Variants in TRIM2 observed in about 807,000 individuals in gnomAD.
The protein encoded by TRIM2 is tripartite motif containing 2.
In TRIM2, 20 loss-of-function variants were observed where a neutral mutation model predicts 75.2. The ratio of observed to expected loss-of-function variants is 0.27; its 90% confidence interval spans 0.19 to 0.39. The LOEUF is 0.39. Among genes scored for constraint, TRIM2 ranks in the 10% least tolerant of loss-of-function variants. The pLI is 1.00. For synonymous variants in TRIM2, 373 were observed against 388.3 expected (o/e 0.96, Z 0.46); for missense variants, 660 against 990.8 (o/e 0.67, Z 4.48).
chr4:153,244,434 T>TCCTC (rs1748482495), intron 1 of TRIM2, among the ~76,000 whole-genome samples: 1 of 117,508 alleles, frequency 8.5e-6, no homozygotes. Flanking sequence ...TTCTTCTTCT[T>TCCTC]CTTTTAATTA....
chr4:153,314,550 C>G (rs979683809), intron 6 of TRIM2, among the ~76,000 whole-genome samples: 3 of 151,448 alleles, frequency 2.0e-5, no homozygotes, highest in African/African-American at 7.3e-5. Flanking sequence ...GAGTTTGAGA[C>G]CAGCCTGGGC....
At chr4:153,304,328 C>A (rs1343690476) in intron 6 of TRIM2, among the ~76,000 whole-genome samples, 1 of 151,862 alleles carries the variant, frequency 6.6e-6, no homozygotes, top group African/African-American at 2.4e-5. Flanking sequence ...TGGCCAGGCT[C>A]GTCTTGAACT....
rs990933295 is a variant in TRIM2, at chr4:153,325,107, G to T, written c.2022+959G>T. On this transcript the variant is annotated intron_variant, in intron 10 of 11. Transcript: ENST00000338700. ...TTAATAATGACTTATCAGTGCTAAT[G>T]ACTGCGATAGCTAGATAAGGGGTAG... Among the ~76,000 whole-genome samples the T allele has an allele frequency of 5.3e-5, 8 of 152,342 alleles. No homozygotes were observed. In the South Asian group the frequency reaches 8.3e-4, roughly 16 times the overall value.
chr4:153,329,489 C>T (rs907496480), intron 11 of TRIM2, among the ~76,000 whole-genome samples: 2 of 151,584 alleles, frequency 1.3e-5, no homozygotes, highest in Non-Finnish European at 2.9e-5. Context: ...AAGCTGCCAT[C>T]TCAAGAAGCT....
intron 6 of TRIM2, among the ~76,000 whole-genome samples, chr4:153,310,766 A>G (rs181996339): frequency 9.2e-5 from 14 of 152,358 alleles, no homozygotes; most frequent in Middle Eastern, 3.4e-3. Flanking sequence ...AAGATTTTTT[A>G]AAAACAAATA....
intron 3 of TRIM2, among the ~76,000 whole-genome samples, chr4:153,291,300 T>C (rs927387621): frequency 6.6e-6 from 1 of 152,076 alleles, no homozygotes; most frequent in African/African-American, 2.4e-5. Context: ...AGGAAGGAGG[T>C]GTCCCTTGGT....
Position 153,276,094 on chromosome 4 carries a change from G to A in TRIM2, c.417G>A (p.Ala139=), listed in dbSNP as rs534011584. 15 of 1,614,092 alleles carry A rather than the reference G, an allele frequency of 9.3e-6. No homozygotes were observed. The highest frequency in any genetic ancestry group is 5.3e-5 in the African/African-American group (4 of 75,048). The change falls in exon 3 of 12, where the codon GCG becomes GCA. Residue 139 remains alanine (A), a synonymous_variant. Coordinates refer to ENST00000338700, the MANE Select transcript of TRIM2 (RefSeq NM_015271.5). ...SILETVTAVA[A]GKPLSCPNHD... ...TGGAGACAGTCACTGCTGTGGCTGC[G>A]GGAAAGCCTCTCTCTTGCCCAAACC...
intron 1 of TRIM2, among the ~76,000 whole-genome samples, chr4:153,219,312 A>G (rs912138205): frequency 6.6e-5 from 10 of 152,158 alleles, no homozygotes; most frequent in African/African-American, 2.4e-4. Context: ...CCTACCAGGA[A>G]ATGAATTCAC....
intron 1 of TRIM2, among the ~76,000 whole-genome samples, chr4:153,181,761 C>A (rs1732084758): frequency 6.6e-6 from 1 of 152,122 alleles, no homozygotes; most frequent in Admixed American, 6.6e-5. Context: ...AGGTGAAAGG[C>A]ATCCCCTCTA....
chr4:153,337,846 A>T lies in TRIM2; in HGVS notation c.*2880A>T. On this transcript the variant is annotated 3_prime_UTR_variant, in exon 12 of 12. Coordinates refer to ENST00000338700, the MANE Select transcript of TRIM2 (RefSeq NM_015271.5). Reference sequence around the variant, plus strand: ...TTCCCCTGGGCACGTAAGGCAAAATATTGCCGGTTGGGATTTCAAGGTCAG... The same window carrying T: ...TTCCCCTGGGCACGTAAGGCAAAATTTTGCCGGTTGGGATTTCAAGGTCAG... 1.0e-6 allele frequency: 1 copy of T among 985,764 alleles called. No homozygotes were observed. Among genetic ancestry groups the T allele is most frequent in the Non-Finnish European group, 1.2e-6 (1 of 829,918 alleles). The allele number at this position is 985,764 out of a possible 1,614,324, so 61.1% of individuals were successfully genotyped here.
intron 1 of TRIM2, among the ~76,000 whole-genome samples, chr4:153,247,500 A>T (rs1332366368): frequency 1.3e-5 from 2 of 151,920 alleles, no homozygotes; most frequent in African/African-American, 4.8e-5. Flanking sequence ...ACATGCCAAA[A>T]CCCCGTCTCT....
chr4:153,159,825 G>A (rs542093401), intron 1 of TRIM2, among the ~76,000 whole-genome samples: 37 of 152,264 alleles, frequency 2.4e-4, no homozygotes, highest in East Asian at 1.3e-3. Context: ...CAGTAGCTCC[G>A]AGTTTAATTA....
At chr4:153,191,698 G>A (rs1478394145) in intron 1 of TRIM2, among the ~76,000 whole-genome samples, 1 of 152,148 alleles carries the variant, frequency 6.6e-6, no homozygotes, top group African/African-American at 2.4e-5. Context: ...ATATAGTTCT[G>A]AAAATAAGTG....
At chr4:153,202,591 C>T (rs1033671501), upstream of TRIM2, among the ~76,000 whole-genome samples, 1 of 151,038 alleles carries the variant, frequency 6.6e-6, no homozygotes, top group African/African-American at 2.4e-5. Context: ...CCCAGCTACT[C>T]GGGAGTCTGA....
At chr4:153,281,956 G>T (rs778879626) in intron 3 of TRIM2, among the ~76,000 whole-genome samples, 1 of 152,224 alleles carries the variant, frequency 6.6e-6, no homozygotes, top group African/African-American at 2.4e-5. Flanking sequence ...CCACTAACAA[G>T]TTTCCACTTC....
At chr4:153,268,167 A>G (rs916511317) in intron 1 of TRIM2, among the ~76,000 whole-genome samples, 1 of 152,244 alleles carries the variant, frequency 6.6e-6, no homozygotes, top group African/African-American at 2.4e-5. Flanking sequence ...CAGGCTCTGC[A>G]AAACATCTCA....
rs890771571 is a variant in TRIM2 at position 153,337,298 on chromosome 4, T to C, written c.*2332T>C. 1 of 985,752 alleles carries C rather than the reference T, an allele frequency of 1.0e-6. No individual in the cohort carries two copies. Among genetic ancestry groups the C allele is most frequent in the African/African-American group, 1.7e-5 (1 of 57,260 alleles). The allele number at this position is 985,752 out of a possible 1,614,324, so 61.1% of individuals were successfully genotyped here. A position where few individuals can be genotyped will look rare whatever the true frequency, so the allele number is the denominator to read the frequency against. On this transcript the variant is annotated 3_prime_UTR_variant, in exon 12 of 12. Transcript: ENST00000338700. ...TTTTTTGCACAACATTTCAATTATA[T>C]TTGTGAACTTAGAAATTAACTTACA...
chr4:153,324,577 A>G (rs1262964001), intron 10 of TRIM2: 5 of 186,492 alleles, frequency 2.7e-5, no homozygotes, highest in Admixed American at 6.3e-5. Flanking sequence ...TAATCCTAGC[A>G]TACATTCATA....
intron 9 of TRIM2, among the ~76,000 whole-genome samples, chr4:153,323,625 G>A (rs1769476123): frequency 6.6e-6 from 1 of 152,142 alleles, no homozygotes; most frequent in Admixed American, 6.5e-5. Context: ...GGGACTACAG[G>A]CATGTGCCAC....
Sources: allele counts gnomAD v4.1 joint callset (sites outside exome capture counted in the v4.1 genomes callset), GRCh38; gene constraint gnomAD v4.1.1; transcripts MANE v1.5; gene names NCBI Gene and HGNC (gene_info 2026-07-23, HGNC 2026-07-21).